TUSC3: variants seen among roughly 807,000 people sequenced by gnomAD.
TUSC3 encodes dolichyl-diphosphooligosaccharide--protein glycosyltransferase subunit TUSC3.
In TUSC3, 45 loss-of-function variants were observed where a neutral mutation model predicts 44.8. The observed-to-expected ratio is 1.00, with a 90% CI of 0.79 to 1.29. The LOEUF (loss-of-function observed/expected upper bound fraction) is 1.29. TUSC3 is among the 50% of genes most tolerant of loss of function. The pLI is 0.00. For synonymous variants in TUSC3, 212 were observed against 152.9 expected, an observed-to-expected ratio of 1.39 and a Z score of -2.85; for missense variants, 519 against 437.9, an observed-to-expected ratio of 1.19 and a Z score of -1.65.
chr8:15,445,510 G>C (rs1175471400), intron 1 of TUSC3, among the ~76,000 whole-genome samples: 1 of 152,082 alleles, frequency 6.6e-6, no homozygotes, highest in Non-Finnish European at 1.5e-5. Flanking sequence ...TTAGGGAGTG[G>C]TGATGACTCT....
chr8:15,592,203 G>A (rs531334223), intron 1 of TUSC3, among the ~76,000 whole-genome samples: 1 of 152,284 alleles, frequency 6.6e-6, no homozygotes, highest in East Asian at 1.9e-4. Flanking sequence ...AATAGGTTTT[G>A]AAAAGAAGTC....
At chr8:15,573,230 A>ATG (rs1491232177) in intron 1 of TUSC3, among the ~76,000 whole-genome samples, 1 of 106,134 alleles carries the variant, frequency 9.4e-6, no homozygotes, top group Non-Finnish European at 1.9e-5. Context: ...ATATATATAT[A>ATG]AAAGTTTTTT....
intron 7 of TUSC3, among the ~76,000 whole-genome samples, chr8:15,742,260 C>A (rs1484180750): frequency 2.0e-4 from 2 of 10,014 alleles, no homozygotes; most frequent in Non-Finnish European, 4.9e-4. Context: ...ATATGTTAGG[C>A]TCCCAAACAT....
At chr8:15,784,498 A>ATG in the TUSC3 span, among the ~76,000 whole-genome samples, 21,628 of 149,500 alleles carry the variant, frequency 0.14, 1,578 homozygotes, top group South Asian at 0.23. Flanking sequence ...TGTTATGTGT[A>ATG]TGTGTGTGTG....
At chr8:15,682,343 C>T (rs1482762474) in intron 6 of TUSC3, among the ~76,000 whole-genome samples, 4 of 152,090 alleles carry the variant, frequency 2.6e-5, no homozygotes, top group Non-Finnish European at 5.9e-5. Flanking sequence ...AATCTGGGTG[C>T]TCTAATTTTG....
chr8:15,716,191 G>A (rs1016459130), intron 6 of TUSC3, among the ~76,000 whole-genome samples: 1 of 152,154 alleles, frequency 6.6e-6, no homozygotes, highest in African/African-American at 2.4e-5. Context: ...AGTAGGTGGA[G>A]GTTGCAGCAA....
chr8:15,730,536 T>A, intron 6 of TUSC3, 130 bp from the exon 7 acceptor site: 1 of 856,446 alleles, frequency 1.2e-6, no homozygotes, highest in Non-Finnish European at 1.9e-6. Context: ...TAATTGGAAC[T>A]TAGTAGAAAG....
chr8:15,597,297 A>G (rs1160206777), intron 1 of TUSC3, among the ~76,000 whole-genome samples: 2 of 152,140 alleles, frequency 1.3e-5, no homozygotes, highest in Non-Finnish European at 2.9e-5. Flanking sequence ...TAAGAGATCT[A>G]AACCAGTATC....
chr8:15,423,474 CA>C (rs910377138), intron 1 of TUSC3, among the ~76,000 whole-genome samples: 4 of 152,140 alleles, frequency 2.6e-5, no homozygotes, highest in Non-Finnish European at 4.4e-5. Context: ...GAAATGCACC[CA>C]GGGGAACAGC....
At chr8:15,693,096 G>C (rs904541864) in intron 6 of TUSC3, among the ~76,000 whole-genome samples, 11 of 152,150 alleles carry the variant, frequency 7.2e-5, no homozygotes, top group Non-Finnish European at 1.2e-4. Flanking sequence ...ATTGGTTCTT[G>C]ATTCTTTATG....
At chr8:15,670,051 T>C (rs537564836) in intron 5 of TUSC3, among the ~76,000 whole-genome samples, 1 of 151,970 alleles carries the variant, frequency 6.6e-6, no homozygotes, top group Admixed American at 6.6e-5. Context: ...AAGTTTTGAA[T>C]CAATCTAATA....
chr8:15,631,178 A>G (rs1481504286), intron 2 of TUSC3, among the ~76,000 whole-genome samples: 2 of 152,178 alleles, frequency 1.3e-5, no homozygotes, highest in South Asian at 2.1e-4. Context: ...GAGTGAATCC[A>G]TGACCAGTTT....
At chr8:15,625,285 C>T (rs999813387) in intron 2 of TUSC3, among the ~76,000 whole-genome samples, 2 of 152,016 alleles carry the variant, frequency 1.3e-5, no homozygotes, top group African/African-American at 2.4e-5. Context: ...TAATGATAGA[C>T]ACTGGTCTGT....
At chr8:15,740,613 TACA>T (rs976091890) in intron 7 of TUSC3, among the ~76,000 whole-genome samples, 4 of 152,156 alleles carry the variant, frequency 2.6e-5, no homozygotes, top group Non-Finnish European at 5.9e-5. Context: ...GAGCTATTCG[TACA>T]ACTCTTTTCC....
At chr8:15,576,290 T>TTTATTTTTA (rs1224560407) in intron 1 of TUSC3, among the ~76,000 whole-genome samples, 4 of 146,732 alleles carry the variant, frequency 2.7e-5, no homozygotes, top group Admixed American at 1.4e-4. Flanking sequence ...TTTTTTTTTT[T>TTTATTTTTA]TATTTTTTTA....
At chr8:15,741,507 G>A (rs977762251) in intron 7 of TUSC3, among the ~76,000 whole-genome samples, 3 of 152,004 alleles carry the variant, frequency 2.0e-5, no homozygotes, top group East Asian at 1.9e-4. Flanking sequence ...CCAGCATGGC[G>A]AAACCCCAAC....
At chr8:15,528,103 C>G (rs955947655) in intron 2 of TUSC3, among the ~76,000 whole-genome samples, 2 of 152,016 alleles carry the variant, frequency 1.3e-5, no homozygotes, top group Non-Finnish European at 2.9e-5. Context: ...TGTTGTAATC[C>G]TTTACCAATA....
chr8:15,554,072 C>G (rs1802147737), intron 1 of TUSC3, among the ~76,000 whole-genome samples: 1 of 151,586 alleles, frequency 6.6e-6, no homozygotes, highest in South Asian at 2.1e-4. Context: ...GGCCCACTTT[C>G]TCGGAGATGG....
At position 15,748,404 on chromosome 8, in the gene TUSC3, G is replaced by A; in HGVS notation, c.967G>A (p.Val323Ile). The A allele has an allele frequency of 6.2e-7, 1 of 1,613,466 alleles. No homozygotes were observed. The highest frequency in any genetic ancestry group is 8.5e-7 in the Non-Finnish European group (1 of 1,179,570). ...IICLVGLGLV[V>I]FFFSFLLSIF... is the part of the protein sequence containing the mutation. The stretch of plus-strand genomic sequence containing the variant: ...TTGCCTAGTGGGATTGGGCCTGGTG[G>A]TCTTCTTCTTCAGTTTTCTACTTTC... Residue 323 changes from valine (V) to isoleucine (I), a missense_variant, in exon 9 of 11, where the codon GTC becomes ATC. Physicochemically the swap from Val to Ile is conservative, Grantham distance 29 (BLOSUM62 3). Coordinates refer to ENST00000503731, the MANE Select transcript of TUSC3 (RefSeq NM_006765.4).
Sources: allele counts gnomAD v4.1 joint callset (sites outside exome capture counted in the v4.1 genomes callset), GRCh38; gene constraint gnomAD v4.1.1; transcripts MANE v1.5; gene names NCBI Gene and HGNC (gene_info 2026-07-23, HGNC 2026-07-21).